The following CFAP54 variants were observed in gnomAD, a reference collection of about 807,000 sequenced individuals.
CFAP54 encodes cilia and flagella associated protein 54.
A neutral mutation model predicts 370.4 loss-of-function variants in CFAP54; 290 were observed. The ratio of observed to expected loss-of-function variants is 0.78; its 90% CI spans 0.71 to 0.86. CFAP54 has a LOEUF of 0.86. CFAP54 is among the 40% of genes least tolerant of loss of function. CFAP54 has a pLI of 0.00. For missense variants in CFAP54, 3,399 were observed against 3,528.7 expected (o/e 0.96, Z 0.93); for synonymous variants, 1,206 against 1,236.5 (o/e 0.98, Z 0.52).
intron 26 of CFAP54, among the ~76,000 whole-genome samples, chr12:96,611,322 G>C (rs1444525109): frequency 6.6e-6 from 1 of 152,224 alleles, no homozygotes; most frequent in Non-Finnish European, 1.5e-5. Flanking sequence ...CTGCAGCTGA[G>C]GGTCCTGACT....
At chr12:96,797,937 G>T (rs1958783499) in intron 63 of CFAP54, among the ~76,000 whole-genome samples, 2 of 151,832 alleles carry the variant, frequency 1.3e-5, no homozygotes, top group South Asian at 4.2e-4. Context: ...CTTTTGGATT[G>T]ATTTCTTTAT....
At chr12:96,843,330 C>T (rs755590007) in intron 66 of CFAP54, among the ~76,000 whole-genome samples, 22 of 152,174 alleles carry the variant, frequency 1.4e-4, no homozygotes, top group Non-Finnish European at 2.5e-4. Context: ...CAGAGCCCTT[C>T]AGGAGGGAAC....
At chr12:96,821,531 A>T (rs1201813803) in intron 65 of CFAP54, among the ~76,000 whole-genome samples, 1 of 152,128 alleles carries the variant, frequency 6.6e-6, no homozygotes, top group African/African-American at 2.4e-5. Flanking sequence ...GGCATTTTAG[A>T]TATTTTCTGG....
chr12:96,664,109 AG>A (rs1772833794), intron 39 of CFAP54, among the ~76,000 whole-genome samples, 177 bp downstream of exon 39: 1 of 152,182 alleles, frequency 6.6e-6, no homozygotes, highest in Admixed American at 6.6e-5. Flanking sequence ...ATGTTACTTA[AG>A]GGGGATTAAA....
chr12:96,798,597 C>A (rs1428515160), intron 63 of CFAP54, among the ~76,000 whole-genome samples: 1 of 152,092 alleles, frequency 6.6e-6, no homozygotes, highest in Non-Finnish European at 1.5e-5. Context: ...TACTCTGGAA[C>A]TAAACTGCCT....
intron 39 of CFAP54, among the ~76,000 whole-genome samples, chr12:96,676,394 C>T (rs1957209263): frequency 1.3e-5 from 2 of 152,084 alleles, no homozygotes. Context: ...CTTTCATTTG[C>T]TTGCTGTTAT....
At chr12:96,552,990 A>G (rs548863774) in intron 15 of CFAP54, among the ~76,000 whole-genome samples, 2 of 152,292 alleles carry the variant, frequency 1.3e-5, no homozygotes, top group South Asian at 2.1e-4. Context: ...AACTCTTGCA[A>G]TTCACCTGCT....
chr12:96,794,060 A>C (rs1958732166), intron 63 of CFAP54, among the ~76,000 whole-genome samples: 1 of 152,210 alleles, frequency 6.6e-6, no homozygotes, highest in African/African-American at 2.4e-5. Flanking sequence ...GCTAAAGATA[A>C]GACCCAGATC....
intron 55 of CFAP54, among the ~76,000 whole-genome samples, chr12:96,748,572 C>G (rs1958145913): frequency 2.6e-5 from 4 of 152,156 alleles, no homozygotes; most frequent in Non-Finnish European, 5.9e-5. Context: ...TCTGCAAATA[C>G]CTTTCTTGCA....
intron 50 of CFAP54, among the ~76,000 whole-genome samples, chr12:96,738,507 C>T (rs773561389): frequency 2.0e-5 from 3 of 151,826 alleles, no homozygotes; most frequent in Non-Finnish European, 2.9e-5. Context: ...CGGTCCTTGG[C>T]GTTCCTCGGC....
chr12:96,786,618 T>A (rs114664434), intron 61 of CFAP54, 57 bp from the exon 62 acceptor site: 3 of 1,267,690 alleles, frequency 2.4e-6, no homozygotes, highest in Non-Finnish European at 3.3e-6. Flanking sequence ...ACCAGCAATA[T>A]TGAGATCATC....
At chr12:96,626,613 G>C (rs1351725616) in intron 29 of CFAP54, among the ~76,000 whole-genome samples, 200 bp from the exon 30 acceptor site, 1 of 151,596 alleles carries the variant, frequency 6.6e-6, no homozygotes, top group Non-Finnish European at 1.5e-5. Context: ...ATTTAATATA[G>C]ACTGTAAAGG....
At chr12:96,639,959 C>T (rs1956705794) in intron 32 of CFAP54, among the ~76,000 whole-genome samples, 1 of 152,092 alleles carries the variant, frequency 6.6e-6, no homozygotes, top group Non-Finnish European at 1.5e-5. Flanking sequence ...ATGACAAACC[C>T]ACAGCCAATA....
At chr12:96,533,598 G>T (rs12231941) in intron 9 of CFAP54, among the ~76,000 whole-genome samples, 194 bp from the exon 10 acceptor site, 4 of 151,870 alleles carry the variant, frequency 2.6e-5, no homozygotes, top group Non-Finnish European at 5.9e-5. Context: ...CATCTGTGTT[G>T]GATGCCCTTC....
intron 66 of CFAP54, among the ~76,000 whole-genome samples, chr12:96,849,569 A>C (rs1256710457): frequency 6.6e-6 from 1 of 152,230 alleles, no homozygotes; most frequent in Admixed American, 6.5e-5. Flanking sequence ...TGATTAAGGA[A>C]AATTGTTGGA....
chr12:96,593,883 A>G (rs1956149869), intron 24 of CFAP54, among the ~76,000 whole-genome samples: 1 of 152,064 alleles, frequency 6.6e-6, no homozygotes, highest in South Asian at 2.1e-4. Flanking sequence ...CTGAAAATTT[A>G]CCGTTTTCTT....
intron 33 of CFAP54, among the ~76,000 whole-genome samples, chr12:96,644,760 A>T (rs970070716): frequency 3.9e-5 from 6 of 152,186 alleles, no homozygotes; most frequent in Non-Finnish European, 8.8e-5. Flanking sequence ...GAGACTCATT[A>T]TCATGAGAAC....
intron 36 of CFAP54, among the ~76,000 whole-genome samples, chr12:96,654,297 C>A (rs1413406774): frequency 1.5e-4 from 23 of 152,006 alleles, no homozygotes; most frequent in Admixed American, 1.4e-3. Flanking sequence ...GTCAGGAGAT[C>A]GAGACCATCC....
intron 64 of CFAP54, among the ~76,000 whole-genome samples, chr12:96,816,470 G>C (rs901117841): frequency 6.6e-6 from 1 of 152,124 alleles, no homozygotes; most frequent in African/African-American, 2.4e-5. Flanking sequence ...TAACAGAAAA[G>C]TTTCTAAGGC....
Sources: allele counts gnomAD v4.1 joint callset (sites outside exome capture counted in the v4.1 genomes callset), GRCh38; gene constraint gnomAD v4.1.1; transcripts MANE v1.5; gene names NCBI Gene and HGNC (gene_info 2026-07-23, HGNC 2026-07-21).